NRXN1: variants seen among roughly 807,000 people sequenced by gnomAD.
NRXN1 encodes neurexin 1.
Under a neutral mutation model 150.9 loss-of-function variants are expected in NRXN1, and 39 were observed. The ratio of observed to expected loss-of-function variants is 0.26; its 90% CI spans 0.20 to 0.34. NRXN1 has a LOEUF of 0.34. Among genes scored for constraint, NRXN1 ranks in the 10% least tolerant of loss-of-function variants. NRXN1 has a pLI of 1.00. For missense variants in NRXN1, 1,815 were observed against 1,949.9 expected (o/e 0.93, Z 1.30); for synonymous variants, 924 against 757.0 (o/e 1.22, Z -3.62).
intron 2 of NRXN1, among the ~76,000 whole-genome samples, chr2:51,012,339 G>C (rs1054592699): frequency 3.3e-5 from 5 of 151,980 alleles, no homozygotes; most frequent in African/African-American, 1.2e-4. Flanking sequence ...ACTTAATTAA[G>C]AGTGTGAAGC....
chr2:50,128,276 A>G (rs1334074073), intron 18 of NRXN1, among the ~76,000 whole-genome samples: 1 of 152,174 alleles, frequency 6.6e-6, no homozygotes, highest in Admixed American at 6.5e-5. Context: ...AGAGATAGAG[A>G]AAGACCATGA....
intron 2 of NRXN1, among the ~76,000 whole-genome samples, chr2:51,009,542 C>A (rs114807628): frequency 0.011 from 1,621 of 151,878 alleles, 19 homozygotes; most frequent in South Asian, 0.034. Context: ...TTCCATTATG[C>A]CTGCACAAAT....
chr2:50,574,047 A>G (rs76160289), intron 8 of NRXN1, among the ~76,000 whole-genome samples: 2,221 of 152,204 alleles, frequency 0.015, 31 homozygotes, highest in Middle Eastern at 0.058. Context: ...ATATTTAAGA[A>G]GTCTCCAACA....
chr2:50,633,821 A>T (rs1386418373), intron 5 of NRXN1, among the ~76,000 whole-genome samples: 3 of 152,146 alleles, frequency 2.0e-5, no homozygotes, highest in Non-Finnish European at 4.4e-5. Flanking sequence ...AGAGATAACC[A>T]TAAGTGAGTC....
At chr2:50,730,570 G>T (rs1697963767) in intron 5 of NRXN1, among the ~76,000 whole-genome samples, 1 of 151,820 alleles carries the variant, frequency 6.6e-6, no homozygotes, top group South Asian at 2.1e-4. Flanking sequence ...ACATCTCTCA[G>T]ATGCTATGTA....
chr2:50,208,956 T>C (rs1171687903), intron 18 of NRXN1, among the ~76,000 whole-genome samples: 1 of 152,124 alleles, frequency 6.6e-6, no homozygotes, highest in Non-Finnish European at 1.5e-5. Context: ...CATTTCATAT[T>C]TGCAGCAAAT....
At chr2:49,922,668 C>A (rs907283655) in intron 22 of NRXN1, among the ~76,000 whole-genome samples, 1 of 152,138 alleles carries the variant, frequency 6.6e-6, no homozygotes, top group African/African-American at 2.4e-5. Flanking sequence ...AGGTCTAACT[C>A]TAGACTGAAT....
chr2:50,375,065 G>T (rs984285361), intron 17 of NRXN1, among the ~76,000 whole-genome samples: 1 of 152,018 alleles, frequency 6.6e-6, no homozygotes, highest in Non-Finnish European at 1.5e-5. Flanking sequence ...ATAAAAATTT[G>T]TTTATATCTT....
rs958660326 is a variant in NRXN1, at chr2:50,997,966, A to T, written c.772+29536T>A. Among the ~76,000 whole-genome samples the T allele has an allele frequency of 2.1e-5, 3 of 141,680 alleles. 1 individual carries two copies. Among genetic ancestry groups the T allele is most frequent in the African/African-American group, 8.9e-5 (3 of 33,748 alleles). 92.9% of individuals were successfully genotyped at this position (141,680 alleles called of 152,430 possible). On this transcript the variant is annotated intron_variant, in intron 2 of 22. Coordinates refer to ENST00000401669, the MANE Select transcript of NRXN1 (RefSeq NM_001330078.2). Reference sequence around the variant, plus strand: ...ATGATGAGTTCCGAATGTTTAGATAAGAAATAAAAAGGGAGGACTAGAGGA... The same window carrying T: ...ATGATGAGTTCCGAATGTTTAGATATGAAATAAAAAGGGAGGACTAGAGGA...
At chr2:50,511,031 G>C (rs2092433226) in intron 12 of NRXN1, among the ~76,000 whole-genome samples, 1 of 151,710 alleles carries the variant, frequency 6.6e-6, no homozygotes, top group Admixed American at 6.6e-5. Context: ...AGAAGCATAG[G>C]TCTCTAGACT....
chr2:50,778,764 T>C (rs1156511831), intron 5 of NRXN1, among the ~76,000 whole-genome samples: 2 of 152,176 alleles, frequency 1.3e-5, no homozygotes, highest in Non-Finnish European at 2.9e-5. Flanking sequence ...CATATGTTTG[T>C]GCAAGCTGCT....
intron 5 of NRXN1, among the ~76,000 whole-genome samples, chr2:50,683,570 T>C (rs1312852625): frequency 7.3e-6 from 1 of 136,788 alleles, no homozygotes; most frequent in Non-Finnish European, 1.5e-5. Context: ...AGGCAGACTG[T>C]GCAGTGAACC....
At chr2:50,466,425 G>T in intron 16 of NRXN1, 1 of 466,978 alleles carries the variant, frequency 2.1e-6, no homozygotes, top group Non-Finnish European at 4.4e-6. Context: ...GTATTATGGG[G>T]TTTCAGTCTT....
At chr2:50,929,271 T>C (rs1285048341) in intron 2 of NRXN1, among the ~76,000 whole-genome samples, 2 of 152,058 alleles carry the variant, frequency 1.3e-5, no homozygotes, top group Admixed American at 1.3e-4. Flanking sequence ...TGTTTCAATA[T>C]AAAGAAAATC....
At chr2:50,776,627 T>G (rs937441570) in intron 5 of NRXN1, among the ~76,000 whole-genome samples, 2 of 137,674 alleles carry the variant, frequency 1.5e-5, no homozygotes, top group Admixed American at 1.6e-4. Context: ...ACCATACATA[T>G]AGTGAGATAT....
At chr2:50,581,352 A>G (rs1672235758) in intron 8 of NRXN1, among the ~76,000 whole-genome samples, 1 of 152,200 alleles carries the variant, frequency 6.6e-6, no homozygotes, top group Non-Finnish European at 1.5e-5. Flanking sequence ...AATCCAAATA[A>G]TAACACTCAT....
chr2:50,792,117 C>CTA (rs1706133938), intron 5 of NRXN1, among the ~76,000 whole-genome samples: 1 of 152,110 alleles, frequency 6.6e-6, no homozygotes, highest in Non-Finnish European at 1.5e-5. Flanking sequence ...GTCAGGGTCT[C>CTA]TATAACTAAT....
chr2:50,221,006 T>A (rs948700052), intron 18 of NRXN1, among the ~76,000 whole-genome samples: 4 of 152,066 alleles, frequency 2.6e-5, no homozygotes, highest in African/African-American at 7.2e-5. Context: ...TCTCGTGTTA[T>A]CAATGTCCAT....
chr2:49,971,913 T>G (rs1678023585), intron 21 of NRXN1, among the ~76,000 whole-genome samples: 1 of 152,138 alleles, frequency 6.6e-6, no homozygotes, highest in African/African-American at 2.4e-5. Flanking sequence ...AAAAGTTAAG[T>G]CAAAAGAACT....
Sources: allele counts gnomAD v4.1 joint callset (sites outside exome capture counted in the v4.1 genomes callset), GRCh38; gene constraint gnomAD v4.1.1; transcripts MANE v1.5; gene names NCBI Gene and HGNC (gene_info 2026-07-23, HGNC 2026-07-21).